AUTS2: variants seen among roughly 807,000 people sequenced by gnomAD.
The protein encoded by AUTS2 is activator of transcription and developmental regulator AUTS2.
Under a neutral mutation model 112.4 loss-of-function variants are expected in AUTS2, and 17 were observed. The observed-to-expected ratio is 0.15, with a 90% CI of 0.10 to 0.23. The LOEUF (loss-of-function observed/expected upper bound fraction) is 0.23, where lower values mean the gene tolerates loss of function less well. AUTS2 is among the 10% of genes least tolerant of loss of function. The probability of loss-of-function intolerance (pLI) is 1.00; values close to 1 mark genes in which losing one functional copy is unlikely to be tolerated. For synonymous variants in AUTS2, 751 were observed against 702.7 expected (o/e 1.07, Z -1.09); for missense variants, 1,510 against 1,701.6 (o/e 0.89, Z 1.98).
chr7:70,669,985 G>A (rs1223398151), intron 5 of AUTS2, among the ~76,000 whole-genome samples: 1 of 152,200 alleles, frequency 6.6e-6, no homozygotes, highest in Non-Finnish European at 1.5e-5. Context: ...AGTGGCCAAG[G>A]AGGGCCTTAT....
At chr7:69,685,699 C>CT (rs1474603926) in intron 1 of AUTS2, among the ~76,000 whole-genome samples, 1 of 150,532 alleles carries the variant, frequency 6.6e-6, no homozygotes, top group Non-Finnish European at 1.5e-5. Context: ...AGTAGAGTAT[C>CT]TAAAGAAAGG....
intron 1 of AUTS2, among the ~76,000 whole-genome samples, chr7:69,735,519 T>C (rs1786991025): frequency 6.6e-6 from 1 of 152,248 alleles, no homozygotes; most frequent in East Asian, 1.9e-4. Flanking sequence ...ACTATTATTT[T>C]CTCCCAAAGA....
chr7:70,729,206 G>A (rs964664740), intron 6 of AUTS2: 10 of 456,398 alleles, frequency 2.2e-5, no homozygotes, highest in Non-Finnish European at 3.5e-5. Flanking sequence ...TGGAGCTCCC[G>A]TGCCGATGGT....
intron 7 of AUTS2, among the ~76,000 whole-genome samples, chr7:70,764,204 T>A (rs573118806): frequency 5.0e-4 from 76 of 152,154 alleles, no homozygotes; most frequent in African/African-American, 1.6e-3. Flanking sequence ...GTTTCCTCCT[T>A]CCCCAAGGAG....
intron 1 of AUTS2, among the ~76,000 whole-genome samples, chr7:69,704,439 G>A (rs925823316): frequency 2.6e-5 from 4 of 152,060 alleles, no homozygotes; most frequent in East Asian, 1.9e-4. Context: ...CACCACGCCC[G>A]GCTAATTTTT....
rs1791842496 is a variant in AUTS2, at chr7:70,790,410, C to T, written c.3194C>T (p.Ser1065Phe). The T allele has an allele frequency of 1.2e-6, 2 of 1,613,396 alleles. No homozygotes were observed. The highest frequency in any genetic ancestry group is 1.7e-6 in the Non-Finnish European group (2 of 1,179,762). Residue 1065 changes from serine (S) to phenylalanine (F), a missense_variant, in exon 19 of 19, where the codon TCT becomes TTT. Coordinates refer to ENST00000342771, the MANE Select transcript of AUTS2 (RefSeq NM_015570.4). This position sits in a 1 kb window ranked among gnomAD's most constrained non-coding sequence, Gnocchi z 7.6. ...GGCGGAGAGCGCTTCCCGTACCCTTCTTTCCACTGGGACCCCATCCGGGAC... is the reference window on the plus strand; with the variant it reads ...GGCGGAGAGCGCTTCCCGTACCCTTTTTTCCACTGGGACCCCATCCGGGAC... ...LPGGERFPYP[S>F]FHWDPIRDPL...
chr7:70,183,563 A>G (rs1458873491), intron 4 of AUTS2, among the ~76,000 whole-genome samples: 1 of 152,214 alleles, frequency 6.6e-6, no homozygotes, highest in Non-Finnish European at 1.5e-5. Context: ...TTTGGGAGCC[A>G]TGCTGAGAGG....
chr7:70,547,523 G>T (rs531445080), intron 5 of AUTS2, among the ~76,000 whole-genome samples: 19 of 152,302 alleles, frequency 1.2e-4, no homozygotes, highest in Middle Eastern at 3.4e-3. Flanking sequence ...AAAGTGCTGG[G>T]ATTACAGGCG....
At chr7:70,626,728 A>G (rs1804971626) in intron 5 of AUTS2, among the ~76,000 whole-genome samples, 1 of 152,086 alleles carries the variant, frequency 6.6e-6, no homozygotes, top group South Asian at 2.1e-4. Flanking sequence ...ATGTCTACCC[A>G]GTGGTTAGCC....
chr7:70,784,848 A>ATTT, intron 15 of AUTS2, 94 bp from the exon 16 acceptor site: 1 of 1,115,734 alleles, frequency 9.0e-7, no homozygotes, highest in Non-Finnish European at 1.3e-6. Flanking sequence ...CCTTGAACAT[A>ATTT]TTTTCTCACG....
In AUTS2 at chr7:70,581,104, C is replaced by T. The variant is rs140872865; in HGVS notation, c.691-117465C>T. Among the ~76,000 whole-genome samples, 25 of 152,138 alleles carry T rather than the reference C, an allele frequency of 1.6e-4. 1 individual carries two copies. Among genetic ancestry groups the T allele is most frequent in the South Asian group, 8.3e-4 (4 of 4,804 alleles). On this transcript the variant is annotated intron_variant, in intron 5 of 18. Coordinates refer to ENST00000342771, the MANE Select transcript of AUTS2 (RefSeq NM_015570.4). ...TTCAAAAAAAATTTTAAAATAAGGC[C>T]GGGCGTAGTGGCTCACGCTTGTAAT...
chr7:70,349,667 T>C lies in AUTS2; in HGVS notation c.661-86085T>C, dbSNP rs77937286. On this transcript the variant is annotated intron_variant, in intron 4 of 18. Transcript: ENST00000342771. ...ATCTGGTTTTCCAGGCTTTTTTTTT[T>C]TTCTTCACATGGTGCCTGGTATCTT... Among the ~76,000 whole-genome samples the C allele has an allele frequency of 2.2e-3, 336 of 152,274 alleles. 3 individuals carry two copies. Among genetic ancestry groups the C allele is most frequent in the African/African-American group, 7.7e-3 (322 of 41,574 alleles).
At chr7:70,699,256 T>G (rs1016228646) in intron 6 of AUTS2, 1 of 152,192 alleles carries the variant, frequency 6.6e-6, no homozygotes, top group African/African-American at 2.4e-5. Context: ...TAAGGAAATT[T>G]AGGGGAGTCT....
intron 1 of AUTS2, among the ~76,000 whole-genome samples, chr7:69,641,491 T>C (rs1273900498): frequency 6.6e-6 from 1 of 151,966 alleles, no homozygotes; most frequent in African/African-American, 2.4e-5. Context: ...TCTTTGTCCC[T>C]GTATCTCTGG....
intron 5 of AUTS2, among the ~76,000 whole-genome samples, chr7:70,463,305 A>C (rs1320741153): frequency 2.0e-5 from 3 of 152,362 alleles, no homozygotes; most frequent in Non-Finnish European, 4.4e-5. Context: ...CCTAGCAGAA[A>C]GTATTCTTAA....
chr7:69,608,060 C>CAAGT (rs1054495823), intron 1 of AUTS2, among the ~76,000 whole-genome samples: 4 of 152,152 alleles, frequency 2.6e-5, no homozygotes, highest in African/African-American at 9.7e-5. Flanking sequence ...CTCACCCTCC[C>CAAGT]AAGTGCTGGG....
chr7:70,067,155 C>G (rs923542554), intron 2 of AUTS2, among the ~76,000 whole-genome samples: 2 of 152,190 alleles, frequency 1.3e-5, no homozygotes, highest in Admixed American at 1.3e-4. Flanking sequence ...TTTTGGATTA[C>G]AGCCTTTTAA....
chr7:69,836,579 A>G (rs957216078), intron 1 of AUTS2, among the ~76,000 whole-genome samples: 1 of 151,920 alleles, frequency 6.6e-6, no homozygotes, highest in Non-Finnish European at 1.5e-5. Context: ...AATTTAATCT[A>G]TTTGGGTAAG....
chr7:70,041,950 A>C (rs1254788206), intron 2 of AUTS2, among the ~76,000 whole-genome samples: 1 of 152,154 alleles, frequency 6.6e-6, no homozygotes, highest in East Asian at 1.9e-4. Flanking sequence ...AAATAACTGG[A>C]TTATAAAGTA....
Sources: gnomAD v4.1 joint callset for allele counts (sites outside exome capture counted in the v4.1 genomes callset) on GRCh38, gnomAD v4.1.1 for gene constraint, Gnocchi (gnomAD v3.1) non-coding constraint, MANE v1.5 for transcripts, NCBI Gene and HGNC (gene_info 2026-07-23, HGNC 2026-07-21) for gene names.